ARHGAP15: variants seen among roughly 807,000 people sequenced by gnomAD.
The protein encoded by ARHGAP15 is rho GTPase-activating protein 15.
A neutral mutation model predicts 63.7 loss-of-function variants in ARHGAP15; 51 were observed. The observed-to-expected ratio is 0.80, with a 90% CI of 0.64 to 1.01. The LOEUF (loss-of-function observed/expected upper bound fraction) is 1.01. Ranked by LOEUF, ARHGAP15 falls within the 50% of genes least tolerant of loss-of-function variation. The pLI is 0.00. For synonymous variants in ARHGAP15, 191 were observed against 193.8 expected (o/e 0.99, Z 0.12); for missense variants, 560 against 564.6 (o/e 0.99, Z 0.08).
chr2:143,694,202 G>C (rs1325403457), intron 12 of ARHGAP15, among the ~76,000 whole-genome samples: 1 of 152,116 alleles, frequency 6.6e-6, no homozygotes, highest in African/African-American at 2.4e-5. Context: ...AAAAAGAAAG[G>C]GGTGGGGGAG....
In ARHGAP15 at chr2:143,292,581, AAAATT is replaced by A. The variant is rs1404888131; in HGVS notation, c.474+41992_474+41996del. ...TTCTATTTATAGAGTAACAGCCTGTAAAATTAAATTAAATTTTTAATAGAAAAGAC... is the reference window on the plus strand; with the variant it reads ...TTCTATTTATAGAGTAACAGCCTGTAAAATTAAATTTTTAATAGAAAAGAC... On this transcript the variant is annotated intron_variant, in intron 6 of 13. Coordinates refer to ENST00000295095, the MANE Select transcript of ARHGAP15 (RefSeq NM_018460.4). 1.6e-4 allele frequency among the ~76,000 whole-genome samples: 24 copies of A among 152,158 alleles called. No individual in the cohort carries two copies. The East Asian group carries it at 1.9e-3, about 12-fold the overall frequency.
intron 11 of ARHGAP15, among the ~76,000 whole-genome samples, chr2:143,605,595 A>C (rs1323880384): frequency 6.6e-6 from 1 of 152,096 alleles, no homozygotes; most frequent in Non-Finnish European, 1.5e-5. Flanking sequence ...ATCCCTAGCT[A>C]ATCATGATGC....
At chr2:143,387,832 C>T (rs952302749) in intron 6 of ARHGAP15, among the ~76,000 whole-genome samples, 5 of 149,032 alleles carry the variant, frequency 3.4e-5, no homozygotes, top group South Asian at 2.3e-4. Context: ...TACACACACA[C>T]GCATGCAAGC....
intron 1 of ARHGAP15, among the ~76,000 whole-genome samples, chr2:143,151,835 G>A (rs1412690993): frequency 1.3e-5 from 2 of 151,952 alleles, no homozygotes; most frequent in East Asian, 3.9e-4. Context: ...TGTCTAATTG[G>A]AATGAGAGGT....
chr2:143,600,429 T>A (rs1697722265), intron 11 of ARHGAP15, among the ~76,000 whole-genome samples: 1 of 152,150 alleles, frequency 6.6e-6, no homozygotes, highest in African/African-American at 2.4e-5. Context: ...CATATATAAC[T>A]CAGTAGGCCT....
intron 6 of ARHGAP15, among the ~76,000 whole-genome samples, chr2:143,270,051 C>A (rs1681196233): frequency 6.6e-6 from 1 of 151,992 alleles, no homozygotes; most frequent in South Asian, 2.1e-4. Flanking sequence ...CGGCTCACTG[C>A]AACCTCCACC....
chr2:143,558,308 G>C (rs907652494), intron 11 of ARHGAP15, among the ~76,000 whole-genome samples: 7 of 151,858 alleles, frequency 4.6e-5, no homozygotes, highest in Non-Finnish European at 1.0e-4. Context: ...ACATACACAA[G>C]CTTCCAGCCT....
chr2:143,153,458 A>C (rs1014245677), intron 1 of ARHGAP15, among the ~76,000 whole-genome samples: 1 of 152,048 alleles, frequency 6.6e-6, no homozygotes, highest in Non-Finnish European at 1.5e-5. Flanking sequence ...AAGCATATAA[A>C]AAGGAAAATA....
intron 13 of ARHGAP15, among the ~76,000 whole-genome samples, chr2:143,719,535 T>C (rs952908310): frequency 6.6e-6 from 1 of 152,206 alleles, no homozygotes; most frequent in Non-Finnish European, 1.5e-5. Flanking sequence ...CTTGGCTTCC[T>C]GCTCACCCAT....
At chr2:143,388,538 A>T (rs1363723212) in intron 6 of ARHGAP15, among the ~76,000 whole-genome samples, 1 of 152,196 alleles carries the variant, frequency 6.6e-6, no homozygotes, top group East Asian at 1.9e-4. Context: ...TTGGCCCTAC[A>T]TAAGAGTGTT....
chr2:143,552,566 GGT>G (rs1553502200), intron 10 of ARHGAP15, among the ~76,000 whole-genome samples: 2 of 137,778 alleles, frequency 1.5e-5, no homozygotes, highest in African/African-American at 2.9e-5. Context: ...AAAAAGTCGG[GGT>G]GGGGAGGCAG....
At chr2:143,475,532 T>A (rs532297839) in intron 8 of ARHGAP15, among the ~76,000 whole-genome samples, 96 of 152,356 alleles carry the variant, frequency 6.3e-4, no homozygotes, top group African/African-American at 2.3e-3. Flanking sequence ...ATATTCGATG[T>A]CCTGAAAAAG....
chr2:143,679,141 T>TA (rs5834962), intron 12 of ARHGAP15, among the ~76,000 whole-genome samples: 20 of 150,050 alleles, frequency 1.3e-4, no homozygotes, highest in African/African-American at 4.4e-4. Flanking sequence ...CCACAAAGGC[T>TA]AAAAAAAAAA....
intron 6 of ARHGAP15, among the ~76,000 whole-genome samples, chr2:143,394,368 AAAG>A (rs1322589748): frequency 5.3e-5 from 8 of 152,204 alleles, no homozygotes; most frequent in Admixed American, 3.9e-4. Flanking sequence ...AGTTGTAAAA[AAAG>A]AAGACTGCAA....
chr2:143,436,430 A>G (rs1019448203), intron 7 of ARHGAP15, among the ~76,000 whole-genome samples: 3 of 152,170 alleles, frequency 2.0e-5, no homozygotes, highest in African/African-American at 7.2e-5. Context: ...TAAAATAACA[A>G]ATTTACTTTT....
At chr2:143,162,255 G>C (rs748234753) in intron 2 of ARHGAP15, 2 of 151,910 alleles carry the variant, frequency 1.3e-5, no homozygotes, top group Non-Finnish European at 2.9e-5. Context: ...TAATACAGCT[G>C]ACCCCGAATC....
At chr2:143,425,764 C>T (rs1255103053) in intron 6 of ARHGAP15, among the ~76,000 whole-genome samples, 8 of 132,494 alleles carry the variant, frequency 6.0e-5, no homozygotes, top group Non-Finnish European at 1.3e-4. Flanking sequence ...TAGTTAGTTT[C>T]ATTCCTAATG....
At chr2:143,747,330 A>G (rs1285762370) in intron 13 of ARHGAP15, among the ~76,000 whole-genome samples, 1 of 152,150 alleles carries the variant, frequency 6.6e-6, no homozygotes, top group Non-Finnish European at 1.5e-5. Context: ...CTATCATTAA[A>G]ATCTTGTGTT....
At chr2:143,498,865 A>C (rs1692933196) in intron 9 of ARHGAP15, among the ~76,000 whole-genome samples, 1 of 152,210 alleles carries the variant, frequency 6.6e-6, no homozygotes, top group Non-Finnish European at 1.5e-5. Flanking sequence ...ATGGCCTGAC[A>C]ATGCCATAAT....
Sources: allele counts gnomAD v4.1 joint callset (sites outside exome capture counted in the v4.1 genomes callset), GRCh38; gene constraint gnomAD v4.1.1; transcripts MANE v1.5; gene names NCBI Gene and HGNC (gene_info 2026-07-23, HGNC 2026-07-21).